Variants in CACHD1 observed in about 807,000 individuals in gnomAD.
CACHD1 encodes the protein VWFA and cache domain-containing protein 1.
In CACHD1, 71 loss-of-function variants were observed where a neutral mutation model predicts 138.7. That is an observed-to-expected ratio of 0.51 (90% confidence interval 0.42 to 0.62). The LOEUF (loss-of-function observed/expected upper bound fraction) is 0.62, where lower values mean the gene tolerates loss of function less well. CACHD1 is among the 20% of genes least tolerant of loss of function. The probability of loss-of-function intolerance (pLI) is 0.00; values close to 1 mark genes in which losing one functional copy is unlikely to be tolerated. For missense variants in CACHD1, 1,389 were observed against 1,625.3 expected, an observed-to-expected ratio of 0.85 and a Z score of 2.50; for synonymous variants, 578 against 591.5, an observed-to-expected ratio of 0.98 and a Z score of 0.33.
chr1:64,545,936 C>G (rs1230863074), intron 1 of CACHD1, among the ~76,000 whole-genome samples: 1 of 152,130 alleles, frequency 6.6e-6, no homozygotes, highest in Non-Finnish European at 1.5e-5. Context: ...TGAAATGTTT[C>G]TATTTAAAAT....
chr1:64,539,464 A>C (rs1163833914), intron 1 of CACHD1, among the ~76,000 whole-genome samples: 1 of 152,168 alleles, frequency 6.6e-6, no homozygotes, highest in Admixed American at 6.5e-5. Flanking sequence ...AGTGCCCCTT[A>C]TGAAGCTTGG....
intron 2 of CACHD1, among the ~76,000 whole-genome samples, chr1:64,576,903 G>GTTTTT (rs201315669): frequency 6.8e-6 from 1 of 147,854 alleles, no homozygotes; most frequent in African/African-American, 2.5e-5. Context: ...GGGTTTGTTT[G>GTTTTT]TTTGTTTTTT....
intron 2 of CACHD1, chr1:64,563,630 C>G (rs1166431840): frequency 1.3e-5 from 2 of 152,192 alleles, no homozygotes; most frequent in African/African-American, 4.8e-5. Context: ...TGTGAATCAT[C>G]AGTCCTAACT....
chr1:64,593,630 T>C (rs1366523053), intron 3 of CACHD1, among the ~76,000 whole-genome samples: 1 of 152,194 alleles, frequency 6.6e-6, no homozygotes, highest in Non-Finnish European at 1.5e-5. Context: ...GTCTTAGTCT[T>C]TCAAGTCATT....
At chr1:64,484,079 C>G (rs1646227460) in intron 1 of CACHD1, among the ~76,000 whole-genome samples, 1 of 152,106 alleles carries the variant, frequency 6.6e-6, no homozygotes, top group Non-Finnish European at 1.5e-5. Context: ...CAGGTAAGCA[C>G]TGTATTGTTC....
intron 2 of CACHD1, among the ~76,000 whole-genome samples, chr1:64,581,740 C>T (rs1647014300): frequency 6.6e-6 from 1 of 152,174 alleles, no homozygotes; most frequent in African/African-American, 2.4e-5. Flanking sequence ...CCTTGAAAAA[C>T]CGTGAACCCA....
chr1:64,488,040 A>G (rs535507566), intron 1 of CACHD1, among the ~76,000 whole-genome samples: 1 of 152,292 alleles, frequency 6.6e-6, no homozygotes, highest in South Asian at 2.1e-4. Flanking sequence ...GTCCATCTCT[A>G]ATTTCTGGTT....
At chr1:64,681,088 CCCT>C (rs1257871637) in intron 24 of CACHD1, among the ~76,000 whole-genome samples, 167 bp from the exon 25 acceptor site, 7 of 152,120 alleles carry the variant, frequency 4.6e-5, no homozygotes, top group Admixed American at 3.3e-4. Context: ...GATTCCTGCT[CCCT>C]CCTCCTTTAA....
At position 64,681,541 on chromosome 1, in the gene CACHD1, G is replaced by GGTTTTTTTTTTTTTTTTTTTTTTT. The variant is rs1553146851; in HGVS notation, c.3484+206_3484+207insGTTTTTTTTTTTTTTTTTTTTTTT. ...AGAGAATCTCAAAAGATTTTATTGTGTTTTTTTTTTTTTTTTTTTTTTTGC... is the reference window on the plus strand; with the variant it reads ...AGAGAATCTCAAAAGATTTTATTGTGGTTTTTTTTTTTTTTTTTTTTTTTTTTTTTTTTTTTTTTTTTTTTTTGC... On this transcript the variant is annotated intron_variant, in intron 25 of 26. Transcript: ENST00000651257. 3.8e-4 allele frequency among the ~76,000 whole-genome samples: 26 copies of GGTTTTTTTTTTTTTTTTTTTTTTT among 68,146 alleles called. 5 individuals carry two copies. The highest frequency in any genetic ancestry group is 1.5e-3 in the African/African-American group (21 of 13,660). 44.7% of individuals were successfully genotyped at this position (68,146 alleles called of 152,430 possible).
Position 64,658,849 on chromosome 1 carries a change from C to T in CACHD1, c.1927C>T (p.His643Tyr), listed in dbSNP as rs1649349003. The T allele has an allele frequency of 6.3e-7, 1 of 1,578,170 alleles. No homozygotes were observed. The highest frequency in any genetic ancestry group is 8.6e-7 in the Non-Finnish European group (1 of 1,159,328). Reference sequence around the variant, plus strand: ...CCTTGGCCAGCCCAGTGCTTGCCTCCACTTCAAACAGCTGGCAACCCTAGG... The same window carrying T: ...CCTTGGCCAGCCCAGTGCTTGCCTCTACTTCAAACAGCTGGCAACCCTAGG... ...DLLGQPSACL[H>Y]FKQLATLESP... The change falls in exon 13 of 27, where the codon CAC becomes TAC. Residue 643 changes from histidine (H) to tyrosine (Y), a missense_variant. By Grantham distance (83) the His-to-Tyr change is moderately conservative. Transcript: ENST00000651257.
intron 24 of CACHD1, among the ~76,000 whole-genome samples, chr1:64,680,496 A>G (rs960428217): frequency 6.6e-6 from 1 of 152,166 alleles, no homozygotes; most frequent in Non-Finnish European, 1.5e-5. Flanking sequence ...TGAAAAAAAA[A>G]AAAGTCATCG....
At chr1:64,601,585 T>C (rs1013643974) in intron 3 of CACHD1, among the ~76,000 whole-genome samples, 1 of 152,238 alleles carries the variant, frequency 6.6e-6, no homozygotes, top group African/African-American at 2.4e-5. Flanking sequence ...TGTTTTTAGC[T>C]TTTGCTGTTG....
At chr1:64,492,676 AG>A (rs754823339) in intron 1 of CACHD1, among the ~76,000 whole-genome samples, 1 of 152,080 alleles carries the variant, frequency 6.6e-6, no homozygotes, top group Non-Finnish European at 1.5e-5. Flanking sequence ...TCAGTGTAAA[AG>A]ACAGCACCGC....
chr1:64,500,806 G>A lies in CACHD1; in HGVS notation c.198+29864G>A, dbSNP rs138624710. Among the ~76,000 whole-genome samples the A allele has an allele frequency of 2.7e-3, 412 of 150,724 alleles. 1 individual carries two copies. The highest frequency in any genetic ancestry group is 4.6e-3 in the Non-Finnish European group (311 of 67,834). ...CTCATGCCTGTAATCCCAGCACTTTGAGAGGCCAAAGCGGGTGGATCACCT... is the reference window on the plus strand; with the variant it reads ...CTCATGCCTGTAATCCCAGCACTTTAAGAGGCCAAAGCGGGTGGATCACCT... On this transcript the variant is annotated intron_variant, in intron 1 of 26. Coordinates refer to ENST00000651257, the MANE Select transcript of CACHD1 (RefSeq NM_020925.4).
At chr1:64,649,707 G>A (rs1649026855) in intron 9 of CACHD1, among the ~76,000 whole-genome samples, 1 of 152,212 alleles carries the variant, frequency 6.6e-6, no homozygotes, top group East Asian at 1.9e-4. Flanking sequence ...ATCAGGTAGA[G>A]TGGAACTCCC....
At position 64,676,987 on chromosome 1, in the gene CACHD1, G is replaced by A; in HGVS notation, c.3068G>A (p.Arg1023Lys). ...GCTCTTCACCAGTGTGTCAACAGCA[G>A]GTGCAGTCAGAGGCTGGAAAGTGGG... Reference protein sequence around the residue: ...QDALHQCVNSRCSQRLESGDC... With the variant: ...QDALHQCVNSKCSQRLESGDC... The change falls in exon 22 of 27, where the codon AGG becomes AAG. Residue 1023 changes from arginine (R) to lysine (K), a missense_variant. Transcript: ENST00000651257. The A allele has an allele frequency of 6.2e-7, 1 of 1,613,658 alleles. No individual in the cohort carries two copies. The highest frequency in any genetic ancestry group is 8.5e-7 in the Non-Finnish European group (1 of 1,179,738).
At chr1:64,578,493 C>T (rs1268165390) in intron 2 of CACHD1, among the ~76,000 whole-genome samples, 1 of 152,190 alleles carries the variant, frequency 6.6e-6, no homozygotes. Context: ...TCTGTTGTTG[C>T]ATAACAAACC....
At chr1:64,505,641 A>G (rs1293342888) in intron 1 of CACHD1, among the ~76,000 whole-genome samples, 1 of 125,940 alleles carries the variant, frequency 7.9e-6, no homozygotes, top group African/African-American at 3.1e-5. Flanking sequence ...TCCCTGGGCG[A>G]ACCCCAACAC....
intron 4 of CACHD1, among the ~76,000 whole-genome samples, chr1:64,607,502 G>A (rs1231462548): frequency 2.0e-5 from 3 of 152,186 alleles, no homozygotes; most frequent in Non-Finnish European, 2.9e-5. Flanking sequence ...TTGAACTCCT[G>A]AGATTTGCTC....
Sources: allele counts gnomAD v4.1 joint callset (sites outside exome capture counted in the v4.1 genomes callset), GRCh38; gene constraint gnomAD v4.1.1; transcripts MANE v1.5; gene names NCBI Gene and HGNC (gene_info 2026-07-23, HGNC 2026-07-21).